The following GRXCR1 variants were observed in gnomAD, a reference collection of about 807,000 sequenced individuals.
GRXCR1 encodes the protein glutaredoxin and cysteine rich domain containing 1.
Under a neutral mutation model 27.3 loss-of-function variants are expected in GRXCR1, and 27 were observed. The observed-to-expected ratio is 0.99, with a 90% CI of 0.73 to 1.37. GRXCR1 has a LOEUF of 1.37. GRXCR1 is among the 40% of genes most tolerant of loss of function. GRXCR1 has a pLI of 0.00. For missense variants in GRXCR1, 379 were observed against 354.4 expected (o/e 1.07, Z -0.56); for synonymous variants, 122 against 131.1 (o/e 0.93, Z 0.47).
chr4:42,938,515 T>C (rs2080519435), intron 1 of GRXCR1, among the ~76,000 whole-genome samples: 1 of 151,996 alleles, frequency 6.6e-6, no homozygotes, highest in South Asian at 2.1e-4. Context: ...ACCTCTACAC[T>C]GTTCTCTATA....
chr4:42,954,829 G>A (rs1747961529), intron 1 of GRXCR1, among the ~76,000 whole-genome samples: 1 of 152,084 alleles, frequency 6.6e-6, no homozygotes, highest in Non-Finnish European at 1.5e-5. Flanking sequence ...TAAGAGAGAA[G>A]CCTGATGTGG....
At chr4:42,936,391 T>G (rs1012915393) in intron 1 of GRXCR1, among the ~76,000 whole-genome samples, 1 of 151,896 alleles carries the variant, frequency 6.6e-6, no homozygotes, top group Non-Finnish European at 1.5e-5. Context: ...CTATTACTAG[T>G]GTTAGAATTT....
At chr4:42,993,201 G>A (rs10032953) in intron 2 of GRXCR1, among the ~76,000 whole-genome samples, 72,330 of 151,852 alleles carry the variant, frequency 0.48, 18,541 homozygotes, top group African/African-American at 0.68. Context: ...TCAGCTGAAA[G>A]TGTATTCCTG....
chr4:42,921,940 G>A (rs905825402), intron 1 of GRXCR1, among the ~76,000 whole-genome samples: 4 of 152,020 alleles, frequency 2.6e-5, no homozygotes, highest in Non-Finnish European at 5.9e-5. Context: ...GGAGAAAAGC[G>A]ATTGGAAGTG....
At chr4:42,960,914 C>T (rs761613426) in intron 1 of GRXCR1, among the ~76,000 whole-genome samples, 5 of 151,728 alleles carry the variant, frequency 3.3e-5, no homozygotes, top group Non-Finnish European at 7.4e-5. Flanking sequence ...AAATGTGTGC[C>T]ATGGTGGTTT....
chr4:43,006,446 C>A (rs944493734), intron 2 of GRXCR1, among the ~76,000 whole-genome samples: 1 of 152,128 alleles, frequency 6.6e-6, no homozygotes, highest in Non-Finnish European at 1.5e-5. Context: ...GAATACATGC[C>A]TGGAGATATA....
intron 1 of GRXCR1, among the ~76,000 whole-genome samples, chr4:42,951,973 A>G (rs1381315362): frequency 6.6e-6 from 1 of 152,212 alleles, no homozygotes; most frequent in African/African-American, 2.4e-5. Context: ...TCCTGAGGAA[A>G]TAACTGAAAT....
chr4:43,004,564 G>GAA (rs1712492385), intron 2 of GRXCR1, among the ~76,000 whole-genome samples: 1 of 152,238 alleles, frequency 6.6e-6, no homozygotes, highest in Non-Finnish European at 1.5e-5. Context: ...AGTGACAGGG[G>GAA]TGGAACTGCT....
rs755530367 is a variant in GRXCR1, at chr4:42,893,599, C to A, written c.333C>A (p.Tyr111Ter). Residue 111 changes from tyrosine (Y) to a stop codon, truncating the protein, a stop_gained, in exon 1 of 4, where the codon TAC becomes TAA. Transcript: ENST00000399770. LOFTEE classifies it high-confidence loss of function. ...ATGGCACAGTCAGAGGCGTCAAATA[C>A]AAAGTGAGTGCTGGCCAGGCTCTAT... ...SKNGTVRGVK[Y>*]KVSAGQALFN... is the part of the protein sequence containing the mutation. 3 of 1,613,634 alleles carry A rather than the reference C, an allele frequency of 1.9e-6. No homozygotes were observed. The highest frequency in any genetic ancestry group is 2.5e-6 in the Non-Finnish European group (3 of 1,179,738).
At chr4:42,979,623 T>C (rs1436959657) in intron 2 of GRXCR1, among the ~76,000 whole-genome samples, 1 of 152,036 alleles carries the variant, frequency 6.6e-6, no homozygotes, top group Admixed American at 6.6e-5. Flanking sequence ...TTTTATTTTT[T>C]GGAATGTCCT....
At chr4:42,946,849 T>A (rs1747755422) in intron 1 of GRXCR1, among the ~76,000 whole-genome samples, 1 of 152,144 alleles carries the variant, frequency 6.6e-6, no homozygotes, top group Non-Finnish European at 1.5e-5. Context: ...ACCAAAGCAG[T>A]GTCTATGATC....
chr4:43,022,180 A>C (rs1322975386), intron 3 of GRXCR1, among the ~76,000 whole-genome samples: 2 of 152,208 alleles, frequency 1.3e-5, no homozygotes, highest in Non-Finnish European at 2.9e-5. Flanking sequence ...ACTAATTTAA[A>C]TTGTATTATG....
chr4:43,004,740 G>A (rs1253308824), intron 2 of GRXCR1, among the ~76,000 whole-genome samples: 8 of 152,194 alleles, frequency 5.3e-5, no homozygotes, highest in Non-Finnish European at 7.3e-5. Flanking sequence ...TGGAAAGGGA[G>A]CATTTACCCA....
chr4:42,960,977 T>C (rs993118766), intron 1 of GRXCR1, among the ~76,000 whole-genome samples: 1 of 151,894 alleles, frequency 6.6e-6, no homozygotes, highest in African/African-American at 2.4e-5. Flanking sequence ...GCATTTTCTA[T>C]TTTTCCTAAT....
At chr4:42,982,844 T>C (rs1711535390) in intron 2 of GRXCR1, among the ~76,000 whole-genome samples, 1 of 151,338 alleles carries the variant, frequency 6.6e-6, no homozygotes, top group African/African-American at 2.4e-5. Context: ...TTTGGCTGCA[T>C]AAATGTCTTC....
chr4:42,948,612 G>T (rs1229697726), intron 1 of GRXCR1, among the ~76,000 whole-genome samples: 1 of 150,478 alleles, frequency 6.6e-6, no homozygotes, highest in Non-Finnish European at 1.5e-5. Context: ...GCCCCCACCC[G>T]CACCCTGCCG....
intron 2 of GRXCR1, among the ~76,000 whole-genome samples, chr4:42,980,484 T>A (rs555128701): frequency 2.0e-5 from 3 of 152,168 alleles, no homozygotes; most frequent in South Asian, 4.1e-4. Flanking sequence ...TAATTTTATA[T>A]CATTGTAGTC....
At chr4:43,026,151 C>T (rs10033001) in intron 3 of GRXCR1, among the ~76,000 whole-genome samples, 9,735 of 152,048 alleles carry the variant, frequency 0.064, 966 homozygotes, top group African/African-American at 0.22. Context: ...AAACTTTGTC[C>T]GTGTTCTTTG....
At chr4:43,022,573 C>A (rs952740175) in intron 3 of GRXCR1, among the ~76,000 whole-genome samples, 1 of 152,158 alleles carries the variant, frequency 6.6e-6, no homozygotes, top group African/African-American at 2.4e-5. Context: ...AGGAACTCTG[C>A]GGTGCCATCA....
Sources: gnomAD v4.1 joint callset for allele counts (sites outside exome capture counted in the v4.1 genomes callset) on GRCh38, gnomAD v4.1.1 for gene constraint, MANE v1.5 for transcripts, NCBI Gene and HGNC (gene_info 2026-07-23, HGNC 2026-07-21) for gene names.